Variants in TOP2B observed in about 807,000 individuals in gnomAD.
TOP2B encodes the protein DNA topoisomerase II beta.
In TOP2B, 51 loss-of-function variants were observed where a neutral mutation model predicts 193.5. That is an observed-to-expected ratio of 0.26 (90% CI 0.21 to 0.33). The LOEUF (loss-of-function observed/expected upper bound fraction) is 0.33. TOP2B is among the 10% of genes least tolerant of loss of function. The probability of loss-of-function intolerance (pLI) is 1.00; values close to 1 mark genes in which losing one functional copy is unlikely to be tolerated. For synonymous variants in TOP2B, 634 were observed against 635.7 expected (o/e 1.00, Z 0.04); for missense variants, 1,378 against 1,909.3 (o/e 0.72, Z 5.19).
At position 25,601,092 on chromosome 3, in the gene TOP2B, A is replaced by C. The variant is rs749275113; in HGVS notation, c.4615+8T>G. On this transcript the variant is annotated splice_region_variant and intron_variant, in intron 34 of 35. Coordinates refer to ENST00000264331, the MANE Select transcript of TOP2B (RefSeq NM_001330700.2). ...ATGTTTAAAGGGTTATAAGAAGATA[A>C]TCCTCACCTTTTGGTGTTGTAGTCT... 2.7e-5 allele frequency: 44 copies of C among 1,612,802 alleles called. No individual in the cohort carries two copies. The highest frequency in any genetic ancestry group is 2.8e-5 in the Non-Finnish European group (33 of 1,179,344).
At position 25,619,948 on chromosome 3, in the gene TOP2B, T is replaced by C. The variant is rs1230617892; in HGVS notation, c.2977A>G (p.Met993Val). The C allele has an allele frequency of 1.2e-6, 2 of 1,613,240 alleles. No homozygotes were observed. Among genetic ancestry groups the C allele is most frequent in the African/African-American group, 1.3e-5 (1 of 74,990 alleles). ...TDTTVKFVVK[M>V]TEEKLAQAEA... Reference sequence around the variant, plus strand: ...GCTTGTGCTAGTTTCTCTTCAGTCATTTTCACCACAAATTTCACAGTTGTG... The same window carrying C: ...GCTTGTGCTAGTTTCTCTTCAGTCACTTTCACCACAAATTTCACAGTTGTG... Residue 993 changes from methionine to valine, a missense_variant, in exon 23 of 36, where the codon ATG becomes GTG. Around this residue, in one of 9 missense-constraint regions of TOP2B, gnomAD observed 379 missense variants for 615.1 expected, o/e 0.62. Coordinates refer to ENST00000264331, the MANE Select transcript of TOP2B (RefSeq NM_001330700.2).
Position 25,623,610 on chromosome 3 carries a change from C to T in TOP2B, c.2632G>A (p.Gly878Ser). The T allele has an allele frequency of 6.2e-7, 1 of 1,613,914 alleles. No homozygotes were observed. Among genetic ancestry groups the T allele is most frequent in the Non-Finnish European group, 8.5e-7 (1 of 1,179,858 alleles). ...GGTAGTTTACAAGCCCATCCAGTACCAATGCCCTCAGCACCATTTATTAAA... is the reference window on the plus strand; with the variant it reads ...GGTAGTTTACAAGCCCATCCAGTACTAATGCCCTCAGCACCATTTATTAAA... ...MVLINGAEGIGTGWACKLPNY... is the reference protein window; with the variant it reads ...MVLINGAEGISTGWACKLPNY... Residue 878 changes from glycine to serine, a missense_variant, in exon 21 of 36, where the codon GGT becomes AGT. Transcript: ENST00000264331.
chr3:25,659,902 G>T (rs1209473641), intron 1 of TOP2B, among the ~76,000 whole-genome samples: 1 of 152,132 alleles, frequency 6.6e-6, no homozygotes, highest in Admixed American at 6.5e-5. Context: ...ATGTGCCTAA[G>T]AATTTGTTAC....
chr3:25,630,622 T>C (rs1003794248), intron 11 of TOP2B, among the ~76,000 whole-genome samples, 153 bp from the exon 12 acceptor site: 2 of 152,186 alleles, frequency 1.3e-5, no homozygotes, highest in African/African-American at 4.8e-5. Flanking sequence ...AAGTATATTT[T>C]ATTAAATTCC....
At chr3:25,648,303 A>T (rs753223084) in intron 1 of TOP2B, among the ~76,000 whole-genome samples, 97 of 152,280 alleles carry the variant, frequency 6.4e-4, no homozygotes, top group Admixed American at 1.2e-3. Flanking sequence ...AAAGCAGACA[A>T]AGACACACCA....
At chr3:25,618,882 T>C in intron 23 of TOP2B, 33 bp from the exon 24 acceptor site, 1 of 1,485,104 alleles carries the variant, frequency 6.7e-7, no homozygotes, top group Non-Finnish European at 9.2e-7. Context: ...GCAGATCATA[T>C]AGATCTGTAC....
intron 10 of TOP2B, among the ~76,000 whole-genome samples, chr3:25,631,766 G>T (rs1702965832): frequency 6.6e-6 from 1 of 151,996 alleles, no homozygotes; most frequent in African/African-American, 2.4e-5. Context: ...TTTGTACTCA[G>T]AATTCATTAA....
intron 1 of TOP2B, among the ~76,000 whole-genome samples, chr3:25,648,381 A>T (rs1307026047): frequency 6.6e-6 from 1 of 152,224 alleles, no homozygotes; most frequent in East Asian, 1.9e-4. Flanking sequence ...AAGAGGATGC[A>T]TCCCCATAAA....
At chr3:25,631,672 G>C (rs1702961983) in intron 10 of TOP2B, among the ~76,000 whole-genome samples, 1 of 151,960 alleles carries the variant, frequency 6.6e-6, no homozygotes, top group African/African-American at 2.4e-5. Context: ...AAATGAAAAA[G>C]TATAAAATTT....
In TOP2B at chr3:25,633,858, T is replaced by C; in HGVS notation, c.1009A>G (p.Ser337Gly). 6.2e-7 allele frequency: 1 copy of C among 1,611,564 alleles called. No individual in the cohort carries two copies. The highest frequency in any genetic ancestry group is 1.1e-5 in the South Asian group (1 of 90,628). The stretch of plus-strand genomic sequence containing the variant: ...TTACTTACTTTTGTAGTTGCAATAC[T>C]ATTTACAAAGCTGATTTGCTGGAAT... Reference protein sequence around the residue: ...KGFQQISFVNSIATTKGGRHV... With the variant: ...KGFQQISFVNGIATTKGGRHV... Residue 337 changes from serine (S) to glycine (G), a missense_variant, in exon 8 of 36, where the codon AGT becomes GGT. Physicochemically the swap from Ser to Gly is moderately conservative, Grantham distance 56. This residue lies in a region of TOP2B where 222 missense variants were observed against 306.6 expected (regional missense o/e 0.72). Transcript: ENST00000264331.
intron 30 of TOP2B, among the ~76,000 whole-genome samples, chr3:25,607,869 A>C (rs1191042141): frequency 6.6e-6 from 1 of 152,146 alleles, no homozygotes; most frequent in Non-Finnish European, 1.5e-5. Flanking sequence ...GCAGCCTCAA[A>C]CTCCTGGGCT....
Position 25,664,461 on chromosome 3 carries a change from G to C in TOP2B, c.-164C>G. ...GAAGATCCGGAGCGGACGTCCAGCC[G>C]AGCCCGCTGAGGAGGCCGCGCCGCC... On this transcript the variant is annotated 5_prime_UTR_variant, in exon 1 of 36. Coordinates refer to ENST00000264331, the MANE Select transcript of TOP2B (RefSeq NM_001330700.2). 4 of 1,233,104 alleles carry C rather than the reference G, an allele frequency of 3.2e-6. No homozygotes were observed. 76.4% of individuals were successfully genotyped at this position (1,233,104 alleles called of 1,614,324 possible).
intron 28 of TOP2B, among the ~76,000 whole-genome samples, chr3:25,610,007 C>G (rs894455639): frequency 2.6e-5 from 4 of 151,610 alleles, no homozygotes; most frequent in African/African-American, 9.8e-5. Flanking sequence ...TTCCAGACCA[C>G]TAGCTAAAAG....
At chr3:25,638,922 G>T (rs1425044056) in intron 4 of TOP2B, among the ~76,000 whole-genome samples, 1 of 152,012 alleles carries the variant, frequency 6.6e-6, no homozygotes, top group Non-Finnish European at 1.5e-5. Context: ...TAAGAATACT[G>T]CATTTAATAG....
intron 1 of TOP2B, among the ~76,000 whole-genome samples, chr3:25,660,482 G>C (rs1703877300): frequency 6.6e-6 from 1 of 152,176 alleles, no homozygotes; most frequent in Non-Finnish European, 1.5e-5. Context: ...ATAATAATGT[G>C]ACAAGGCTCT....
intron 25 of TOP2B, chr3:25,615,832 C>A (rs17527352): frequency 0.15 from 41,905 of 277,594 alleles, 3,464 homozygotes; most frequent in East Asian, 0.2. Context: ...ATCCAGGAAT[C>A]TGATGAAAAA....
At chr3:25,608,661 C>T (rs1702294619) in intron 30 of TOP2B, among the ~76,000 whole-genome samples, 1 of 152,134 alleles carries the variant, frequency 6.6e-6, no homozygotes, top group African/African-American at 2.4e-5. Flanking sequence ...ATGTTAATAA[C>T]TTCAACACTT....
intron 21 of TOP2B, among the ~76,000 whole-genome samples, chr3:25,622,639 A>ATT (rs576552400): frequency 1.5e-5 from 2 of 133,784 alleles, no homozygotes; most frequent in Non-Finnish European, 1.6e-5. Context: ...AAAAATGGGG[A>ATT]TTTTTTTTTT....
intron 2 of TOP2B, among the ~76,000 whole-genome samples, chr3:25,644,453 C>A (rs1174455232): frequency 6.6e-6 from 1 of 152,068 alleles, no homozygotes; most frequent in Non-Finnish European, 1.5e-5. Flanking sequence ...GTAATCCTAG[C>A]ACTCTGGGGG....
Sources: allele counts gnomAD v4.1 joint callset (sites outside exome capture counted in the v4.1 genomes callset), GRCh38; gene constraint gnomAD v4.1.1; regional missense constraint gnomAD v4.1.1; transcripts MANE v1.5; gene names NCBI Gene and HGNC (gene_info 2026-07-23, HGNC 2026-07-21).